Variants in P3H2 observed in about 807,000 individuals in gnomAD.
The protein encoded by P3H2 is leprecan-like 1.
P3H2 carries 80 observed loss-of-function variants against 87.0 expected under a neutral mutation model. That is an observed-to-expected ratio of 0.92 (90% CI 0.77 to 1.11). The LOEUF is 1.11. Among genes scored for constraint, P3H2 ranks in the 50% least tolerant of loss-of-function variants. The pLI, the probability that P3H2 is intolerant of heterozygous loss-of-function variation, is 0.00. For missense variants in P3H2, 1,001 were observed against 923.9 expected, an observed-to-expected ratio of 1.08 and a Z score of -1.08; for synonymous variants, 367 against 359.3, an observed-to-expected ratio of 1.02 and a Z score of -0.24.
Position 189,971,896 on chromosome 3 carries a change from T to A in P3H2, c.1811A>T (p.Asp604Val), listed in dbSNP as rs1723188970. 2 of 1,587,396 alleles carry A rather than the reference T, an allele frequency of 1.3e-6. No homozygotes were observed. Among genetic ancestry groups the A allele is most frequent in the Non-Finnish European group, 1.7e-6 (2 of 1,155,680 alleles). The change falls in exon 12 of 15, where the codon GAC becomes GTC. Residue 604 changes from aspartate to valine, a missense_variant. Physicochemically the swap from Asp to Val is radical, Grantham distance 152. Transcript: ENST00000319332. ...AAGCAGGTTCTAGCTATACCTATAG[T>A]CTCGAAATGTGTAAGCAGGAGGCTC... ...WKEPPAYTFRDYSALLYMNDD... is the reference protein window; with the variant it reads ...WKEPPAYTFRVYSALLYMNDD...
intron 1 of P3H2, among the ~76,000 whole-genome samples, chr3:190,037,488 C>T (rs189473221): frequency 1.6e-3 from 248 of 152,142 alleles, no homozygotes; most frequent in African/African-American, 5.5e-3. Context: ...AATAAGATAC[C>T]GTGGCTCAGA....
intron 1 of P3H2, among the ~76,000 whole-genome samples, chr3:190,070,306 T>C (rs557514662): frequency 1.5e-4 from 23 of 152,164 alleles, no homozygotes; most frequent in Non-Finnish European, 1.8e-4. Flanking sequence ...GGTAAGAGGA[T>C]AGGATTATCC....
intron 8 of P3H2, among the ~76,000 whole-genome samples, chr3:189,976,438 T>C (rs1050428034): frequency 4.6e-5 from 7 of 152,140 alleles, no homozygotes; most frequent in African/African-American, 1.7e-4. Flanking sequence ...GAAACTCCCG[T>C]TTATAAAACC....
rs202156373 is a variant in P3H2 at position 189,995,510 on chromosome 3, GATCAATCCAAAA to G, written c.481-80_481-69del. 5,295 of 1,445,206 alleles carry G rather than the reference GATCAATCCAAAA, an allele frequency of 3.7e-3. 147 individuals are homozygous for G. In the African/African-American group the frequency reaches 0.065, roughly 18 times the overall value. 89.5% of individuals were successfully genotyped at this position (1,445,206 alleles called of 1,614,324 possible). A position where few individuals can be genotyped will look rare whatever the true frequency, so the allele number is the denominator to read the frequency against. The stretch of plus-strand genomic sequence containing the variant: ...CAAATCACACTCAGAGAAATACAAA[GATCAATCCAAAA>G]TCTCACAGTTTAAGAATGAAACTAG... On this transcript the variant is annotated intron_variant, in intron 1 of 14. Transcript: ENST00000319332.
intron 1 of P3H2, among the ~76,000 whole-genome samples, chr3:190,046,479 T>TAAC (rs1725809427): frequency 6.6e-6 from 1 of 152,034 alleles, no homozygotes; most frequent in Admixed American, 6.6e-5. Context: ...AATGAAGTAA[T>TAAC]GGTAGATGAT....
chr3:189,988,795 A>G (rs1723785827), intron 4 of P3H2, 112 bp downstream of exon 4: 5 of 1,336,392 alleles, frequency 3.7e-6, no homozygotes, highest in East Asian at 2.3e-5. Context: ...ATAAATTCCT[A>G]TTGCTTTCAT....
At chr3:190,036,587 A>G (rs1321424479) in intron 1 of P3H2, among the ~76,000 whole-genome samples, 2 of 152,250 alleles carry the variant, frequency 1.3e-5, no homozygotes, top group Admixed American at 1.3e-4. Context: ...GACTTGCTTA[A>G]GATTGCATGA....
At chr3:190,007,301 G>C (rs968825845) in intron 1 of P3H2, among the ~76,000 whole-genome samples, 5 of 152,158 alleles carry the variant, frequency 3.3e-5, no homozygotes, top group African/African-American at 1.2e-4. Flanking sequence ...GAAATGCAAA[G>C]CTAAAGGCAT....
intron 1 of P3H2, among the ~76,000 whole-genome samples, chr3:190,017,789 C>T (rs542131937): frequency 1.3e-5 from 2 of 152,292 alleles, no homozygotes; most frequent in South Asian, 2.1e-4. Flanking sequence ...TTCTCTTTGA[C>T]TTGAATGATC....
chr3:190,075,979 T>C (rs1348603429), intron 1 of P3H2, among the ~76,000 whole-genome samples: 3 of 152,146 alleles, frequency 2.0e-5, no homozygotes, highest in South Asian at 2.1e-4. Context: ...TCCAGGAAAT[T>C]TGAGCATGGC....
chr3:190,100,308 T>TAAA (rs2108515085), intron 1 of P3H2, among the ~76,000 whole-genome samples: 1 of 146,742 alleles, frequency 6.8e-6, no homozygotes, highest in South Asian at 2.2e-4. Context: ...AGGTCATTTT[T>TAAA]CTCTGCAATG....
intron 1 of P3H2, among the ~76,000 whole-genome samples, chr3:190,099,286 G>T (rs1289034346): frequency 6.6e-6 from 1 of 152,086 alleles, no homozygotes; most frequent in Non-Finnish European, 1.5e-5. Context: ...GACGCTGTAG[G>T]ATATCACATA....
intron 1 of P3H2, among the ~76,000 whole-genome samples, chr3:190,078,820 C>T (rs1439041317): frequency 6.6e-6 from 1 of 152,096 alleles, no homozygotes; most frequent in Admixed American, 6.5e-5. Context: ...CTTTGTTCTT[C>T]CAGGGAAGTA....
chr3:189,969,622 A>C (rs1723109974), intron 13 of P3H2: 1 of 1,204,670 alleles, frequency 8.3e-7, no homozygotes, highest in Non-Finnish European at 1.2e-6. Context: ...CTTCCTTCAA[A>C]GCCCAGATGG....
chr3:190,055,638 G>T (rs75639731), intron 1 of P3H2, among the ~76,000 whole-genome samples: 2,713 of 151,646 alleles, frequency 0.018, 89 homozygotes, highest in African/African-American at 0.063. Flanking sequence ...TTTACAAAAC[G>T]ATCATATTCT....
At chr3:189,985,776 G>A (rs900558611) in intron 6 of P3H2, among the ~76,000 whole-genome samples, 3 of 151,874 alleles carry the variant, frequency 2.0e-5, no homozygotes, top group African/African-American at 7.2e-5. Flanking sequence ...AATACATTAT[G>A]TATAATTCAA....
intron 1 of P3H2, among the ~76,000 whole-genome samples, chr3:190,068,776 G>T (rs527903926): frequency 3.0e-4 from 46 of 151,994 alleles, no homozygotes; most frequent in Non-Finnish European, 6.2e-4. Context: ...ACAGCTATTT[G>T]TTGATCTACA....
At chr3:189,966,833 C>T (rs1222706861) in intron 13 of P3H2, among the ~76,000 whole-genome samples, 1 of 152,184 alleles carries the variant, frequency 6.6e-6, no homozygotes, top group Non-Finnish European at 1.5e-5. Context: ...TTAAAATAAT[C>T]CTTTTGCTTT....
At chr3:190,079,391 T>G in intron 1 of P3H2, among the ~76,000 whole-genome samples, 1 of 147,472 alleles carries the variant, frequency 6.8e-6, no homozygotes, top group South Asian at 2.1e-4. Context: ...TAAATAATCC[T>G]TATCTGTAAA....
Sources: gnomAD v4.1 joint callset for allele counts (sites outside exome capture counted in the v4.1 genomes callset) on GRCh38, gnomAD v4.1.1 for gene constraint, MANE v1.5 for transcripts, NCBI Gene and HGNC (gene_info 2026-07-23, HGNC 2026-07-21) for gene names.